BCL2L15: variants seen among roughly 807,000 people sequenced by gnomAD.
BCL2L15 encodes bcl-2-like protein 15.
In BCL2L15, 15 loss-of-function variants were observed where a neutral mutation model predicts 18.3. The ratio of observed to expected loss-of-function variants is 0.82; its 90% CI spans 0.55 to 1.26. The LOEUF is 1.26. BCL2L15 is among the 50% of genes most tolerant of loss of function. BCL2L15 has a pLI of 0.00. For synonymous variants in BCL2L15, 58 were observed against 68.5 expected, an observed-to-expected ratio of 0.85 and a Z score of 0.76; for missense variants, 180 against 201.7, an observed-to-expected ratio of 0.89 and a Z score of 0.65.
rs553172067 is a variant in BCL2L15, at chr1:113,880,459, T to A, written c.*664A>T. The A allele has an allele frequency of 6.6e-6, 1 of 152,228 alleles. No individual in the cohort carries two copies. The highest frequency in any genetic ancestry group is 1.5e-5 in the Non-Finnish European group (1 of 68,134). 9.4% of individuals were successfully genotyped at this position (152,228 alleles called of 1,614,324 possible). A position where few individuals can be genotyped will look rare whatever the true frequency, so the allele number is the denominator to read the frequency against. On this transcript the variant is annotated 3_prime_UTR_variant, in exon 4 of 4. Transcript: ENST00000393316. The stretch of plus-strand genomic sequence containing the variant: ...GGCTAACACGGCGAAACCTCATCTC[T>A]ACTAAAAATACAAAAAATTAGCCGG...
rs201294219 is a variant in BCL2L15, at chr1:113,887,402, T to C, written c.-27A>G. On this transcript the variant is annotated 5_prime_UTR_variant, in exon 1 of 4. Transcript: ENST00000393316. ...TTAGATGTTTGCTGTCAAGTTTTGC[T>C]TTTCCACGAAACAAGCAGTTTTCAG... 3.7e-6 allele frequency: 6 copies of C among 1,613,696 alleles called. No homozygotes were observed. The highest frequency in any genetic ancestry group is 5.1e-6 in the Non-Finnish European group (6 of 1,179,692).
rs751367925 is a variant in BCL2L15, at chr1:113,886,613, C to T, written c.173G>A (p.Arg58Gln). The change falls in exon 2 of 4, where the codon CGG becomes CAG. Residue 58 changes from arginine to glutamine, a missense_variant. Arg to Gln is a conservative substitution (Grantham distance 43). Transcript: ENST00000393316. The stretch of plus-strand genomic sequence containing the variant: ...TCCGTTGAACTGGTCACCCAACATC[C>T]GAAGGCGACCAGCAATGATAGCCAC... ...FDVAIIAGRLRMLGDQFNGEL... is the reference protein window; with the variant it reads ...FDVAIIAGRLQMLGDQFNGEL... 1.1e-5 allele frequency: 17 copies of T among 1,613,172 alleles called. No homozygotes were observed. The East Asian group carries it at 1.1e-4, about 11-fold the overall frequency.
intron 2 of BCL2L15, among the ~76,000 whole-genome samples, chr1:113,885,243 A>AT (rs1666989886): frequency 6.9e-6 from 1 of 145,536 alleles, no homozygotes; most frequent in Non-Finnish European, 1.5e-5. Context: ...GGCATGAGCC[A>AT]CAGCACCCAG....
chr1:113,884,951 G>GTATT (rs1334844936), intron 2 of BCL2L15, among the ~76,000 whole-genome samples: 4 of 150,440 alleles, frequency 2.7e-5, no homozygotes, highest in African/African-American at 4.9e-5. Flanking sequence ...TTTTGTATTT[G>GTATT]TATTTATTTA....
chr1:113,881,053 T>C lies in BCL2L15; in HGVS notation c.*70A>G. 6.2e-7 allele frequency: 1 copy of C among 1,610,114 alleles called. No homozygotes were observed. The highest frequency in any genetic ancestry group is 8.5e-7 in the Non-Finnish European group (1 of 1,176,980). ...GTGCTTTTTTATTTGTTTGTTTGAA[T>C]TCCCAGGAATCAATCACCCAATCAG... On this transcript the variant is annotated 3_prime_UTR_variant, in exon 4 of 4. Transcript: ENST00000393316.
At chr1:113,884,238 C>A (rs1666965451) in intron 2 of BCL2L15, among the ~76,000 whole-genome samples, 1 of 152,198 alleles carries the variant, frequency 6.6e-6, no homozygotes, top group Admixed American at 6.5e-5. Flanking sequence ...ATGCAATGCA[C>A]TGAGAACACA....
At position 113,881,831 on chromosome 1, in the gene BCL2L15, G is replaced by A. The variant is rs757973338; in HGVS notation, c.416C>T (p.Thr139Met). The change falls in exon 3 of 4, where the codon ACG becomes ATG. Residue 139 changes from threonine to methionine, a missense_variant. Transcript: ENST00000393316. ...GGCTTGGTTCCCATTGATCATACCC[G>A]TCATGGGGATAGCCACCTGTCCCAC... ...EVVGQVAIPM[T>M]GMINGNQAIR... 7.4e-6 allele frequency: 12 copies of A among 1,614,008 alleles called. No individual in the cohort carries two copies. Among genetic ancestry groups the A allele is most frequent in the East Asian group, 4.5e-5 (2 of 44,896 alleles).
chr1:113,877,264 T>G lies in BCL2L15; in HGVS notation c.*3859A>C, dbSNP rs1469307457. Among the ~76,000 whole-genome samples, 1 of 151,454 alleles carries G rather than the reference T, an allele frequency of 6.6e-6. No individual in the cohort carries two copies. Among genetic ancestry groups the G allele is most frequent in the Non-Finnish European group, 1.5e-5 (1 of 67,948 alleles). ...GCTATATAGGGCAGTTAGGGCCAGA[T>G]ACTGGGGGAATTTGAATATCAGACT... On this transcript the variant is annotated 3_prime_UTR_variant, in exon 4 of 4. Transcript: ENST00000393316.
chr1:113,884,014 T>A (rs1666960524), intron 2 of BCL2L15, among the ~76,000 whole-genome samples: 1 of 152,202 alleles, frequency 6.6e-6, no homozygotes, highest in South Asian at 2.1e-4. Context: ...AAAGTAGGAA[T>A]TCATGGGTCC....
Position 113,879,648 on chromosome 1 carries a change from G to A in BCL2L15, c.*1475C>T, listed in dbSNP as rs546470498. 3 of 152,302 alleles carry A rather than the reference G, an allele frequency of 2.0e-5. No individual in the cohort carries two copies. The South Asian group carries it at 6.2e-4, about 32-fold the overall frequency. 9.4% of individuals were successfully genotyped at this position (152,302 alleles called of 1,614,324 possible). On this transcript the variant is annotated 3_prime_UTR_variant, in exon 4 of 4. Transcript: ENST00000393316. ...TGCTGGAATTGTCAGGACTGTAATA[G>A]AGTTTCAGTTACCAAGGAGAAATGT...
rs1426690631 is a variant in BCL2L15 at position 113,877,621 on chromosome 1, AATG to A, written c.*3499_*3501del. ...CATTGGTATGTTAAATTTAAAAATG[AATG>A]ATACCATATCTAAAAATGAATCAAA... On this transcript the variant is annotated 3_prime_UTR_variant, in exon 4 of 4. Transcript: ENST00000393316. 6.6e-6 allele frequency among the ~76,000 whole-genome samples: 1 copy of A among 152,230 alleles called. No individual in the cohort carries two copies. Among genetic ancestry groups the A allele is most frequent in the African/African-American group, 2.4e-5 (1 of 41,474 alleles).
intron 3 of BCL2L15, chr1:113,881,530 T>G: frequency 7.3e-7 from 1 of 1,372,486 alleles, no homozygotes; most frequent in Non-Finnish European, 9.4e-7. Flanking sequence ...AAATGAAGAT[T>G]AGCTTTACAG....
At position 113,881,988 on chromosome 1, in the gene BCL2L15, T is replaced by G; in HGVS notation, c.259A>C (p.Ile87Leu). The change falls in exon 3 of 4, where the codon ATA becomes CTA. Residue 87 changes from isoleucine to leucine, a missense_variant. Transcript: ENST00000393316. ...AETIKGQTGA[I>L]LQDTVESLSK... Reference sequence around the variant, plus strand: ...AGAGATTCCACAGTGTCCTGGAGTATAGCTCCTGTCTGAGGAAAGACAAAG... The same window carrying G: ...AGAGATTCCACAGTGTCCTGGAGTAGAGCTCCTGTCTGAGGAAAGACAAAG... The G allele has an allele frequency of 1.2e-6, 2 of 1,612,790 alleles. No homozygotes were observed. Among genetic ancestry groups the G allele is most frequent in the South Asian group, 2.2e-5 (2 of 91,010 alleles).
At chr1:113,887,221 C>T in intron 1 of BCL2L15, 28 bp downstream of exon 1, 3 of 1,606,814 alleles carry the variant, frequency 1.9e-6, no homozygotes, top group Non-Finnish European at 2.6e-6. Context: ...TATTGACCTG[C>T]AATCACCGCC....
At position 113,880,927 on chromosome 1, in the gene BCL2L15, A is replaced by C. The variant is rs1666860999; in HGVS notation, c.*196T>G. 7.3e-6 allele frequency: 5 copies of C among 683,342 alleles called. No homozygotes were observed. In the East Asian group the frequency reaches 1.4e-4, roughly 19 times the overall value. 42.3% of individuals were successfully genotyped at this position (683,342 alleles called of 1,614,324 possible). A position where few individuals can be genotyped will look rare whatever the true frequency, so the allele number is the denominator to read the frequency against. On this transcript the variant is annotated 3_prime_UTR_variant, in exon 4 of 4. Coordinates refer to ENST00000393316, the MANE Select transcript of BCL2L15 (RefSeq NM_001010922.3). ...CATTAAGTTGACAAAACAAAACAAAACAAAAACCAACTCTGCAGGCCTCTG... is the reference window on the plus strand; with the variant it reads ...CATTAAGTTGACAAAACAAAACAAACCAAAAACCAACTCTGCAGGCCTCTG...
intron 2 of BCL2L15, 103 bp from the exon 3 acceptor site, chr1:113,882,100 T>C (rs1276673107): frequency 7.6e-6 from 6 of 793,660 alleles, no homozygotes; most frequent in Non-Finnish European, 1.2e-5. Context: ...GAGTGCCAAA[T>C]GTGCAACTGG....
rs1371224149 is a variant in BCL2L15 at position 113,877,904 on chromosome 1, G to A, written c.*3219C>T. Among the ~76,000 whole-genome samples, 5 of 152,126 alleles carry A rather than the reference G, an allele frequency of 3.3e-5. No individual in the cohort carries two copies. Among genetic ancestry groups the A allele is most frequent in the East Asian group, 3.8e-4 (2 of 5,200 alleles). ...ACTGAGGTTTTGAGCTAGTTGTATCGCAAACAGGGAGAGTATGGGGATAAG... is the reference window on the plus strand; with the variant it reads ...ACTGAGGTTTTGAGCTAGTTGTATCACAAACAGGGAGAGTATGGGGATAAG... On this transcript the variant is annotated 3_prime_UTR_variant, in exon 4 of 4. Coordinates refer to ENST00000393316, the MANE Select transcript of BCL2L15 (RefSeq NM_001010922.3).
rs1666884415 is a variant in BCL2L15, at chr1:113,881,791, G to C, written c.456C>G (p.Ile152Met). 6.2e-7 allele frequency: 1 copy of C among 1,614,094 alleles called. No individual in the cohort carries two copies. The highest frequency in any genetic ancestry group is 1.7e-5 in the Admixed American group (1 of 60,022). Residue 152 changes from isoleucine (I) to methionine (M), a missense_variant, in exon 3 of 4, where the codon ATC becomes ATG. Physicochemically the swap from Ile to Met is conservative, Grantham distance 10. Coordinates refer to ENST00000393316, the MANE Select transcript of BCL2L15 (RefSeq NM_001010922.3). Reference sequence around the variant, plus strand: ...AACTTACCCAACCTCCCTGGCCCTGGATGAACTCCCGGATGGCTTGGTTCC... The same window carrying C: ...AACTTACCCAACCTCCCTGGCCCTGCATGAACTCCCGGATGGCTTGGTTCC... ...INGNQAIREF[I>M]QGQGGWENLE...
At chr1:113,886,501 A>G (rs201858571) in intron 2 of BCL2L15, 36 bp downstream of exon 2, 37 of 1,584,800 alleles carry the variant, frequency 2.3e-5, no homozygotes, top group Non-Finnish European at 3.0e-5. Context: ...AATAGAAAAA[A>G]AAGCAGCAAA....
Sources: allele counts gnomAD v4.1 joint callset (sites outside exome capture counted in the v4.1 genomes callset), GRCh38; gene constraint gnomAD v4.1.1; transcripts MANE v1.5; gene names NCBI Gene and HGNC (gene_info 2026-07-23, HGNC 2026-07-21).